FGGY: variants seen among roughly 807,000 people sequenced by gnomAD.
FGGY encodes the protein FGGY carbohydrate kinase domain-containing protein.
Under a neutral mutation model 71.3 loss-of-function variants are expected in FGGY, and 72 were observed. The observed-to-expected ratio is 1.01, with a 90% CI of 0.84 to 1.23. The LOEUF (loss-of-function observed/expected upper bound fraction) is 1.23. FGGY is among the 50% of genes most tolerant of loss of function. The pLI, the probability that FGGY is intolerant of heterozygous loss-of-function variation, is 0.00. For missense variants in FGGY, 668 were observed against 682.3 expected, an observed-to-expected ratio of 0.98 and a Z score of 0.23; for synonymous variants, 251 against 250.3, an observed-to-expected ratio of 1.00 and a Z score of -0.02.
chr1:59,376,211 C>CT (rs561822905), intron 4 of FGGY, among the ~76,000 whole-genome samples: 50 of 152,284 alleles, frequency 3.3e-4, no homozygotes, highest in African/African-American at 1.2e-3. Context: ...TATTTAGTAT[C>CT]TTTAAGTTTT....
chr1:59,404,837 G>A (rs1003895917), intron 5 of FGGY, among the ~76,000 whole-genome samples: 2 of 152,158 alleles, frequency 1.3e-5, no homozygotes. Context: ...ACCAATGTCC[G>A]TGTGTCTGGG....
At chr1:59,542,963 C>T (rs899459581) in intron 7 of FGGY, among the ~76,000 whole-genome samples, 2 of 152,058 alleles carry the variant, frequency 1.3e-5, no homozygotes, top group Non-Finnish European at 2.9e-5. Context: ...GGCTGCTGTC[C>T]AGAGAAGGTG....
At chr1:59,519,321 G>T (rs368383396) in intron 7 of FGGY, among the ~76,000 whole-genome samples, 1 of 152,158 alleles carries the variant, frequency 6.6e-6, no homozygotes, top group East Asian at 1.9e-4. Flanking sequence ...TAGTTCATGG[G>T]GTTAGACAGT....
At chr1:59,593,573 T>G (rs1380076111) in intron 8 of FGGY, among the ~76,000 whole-genome samples, 1 of 152,246 alleles carries the variant, frequency 6.6e-6, no homozygotes, top group African/African-American at 2.4e-5. Context: ...CACTGTCTTT[T>G]CATCACACAT....
intron 6 of FGGY, among the ~76,000 whole-genome samples, chr1:59,458,016 T>G (rs1214559475): frequency 6.6e-6 from 1 of 152,176 alleles, no homozygotes; most frequent in Admixed American, 6.6e-5. Context: ...TCAGAGAGAT[T>G]AGTAACCTTG....
intron 7 of FGGY, among the ~76,000 whole-genome samples, chr1:59,515,921 GT>G (rs761544626): frequency 1.8e-4 from 28 of 151,636 alleles, no homozygotes; most frequent in African/African-American, 6.0e-4. Context: ...AGATAGAATA[GT>G]TTTTTTTTGT....
intron 6 of FGGY, 136 bp from the exon 7 acceptor site, chr1:59,512,175 T>A: frequency 1.1e-6 from 1 of 919,912 alleles, no homozygotes. Context: ...AAGGGACTCT[T>A]GATGACTGCA....
intron 5 of FGGY, among the ~76,000 whole-genome samples, chr1:59,380,574 T>G (rs1017612130): frequency 4.6e-5 from 7 of 151,718 alleles, no homozygotes; most frequent in Non-Finnish European, 8.8e-5. Flanking sequence ...TCATGTGTCT[T>G]CTGGCTGCAT....
At chr1:59,762,287 TG>T (rs1187850941) in intron 15 of FGGY, among the ~76,000 whole-genome samples, 1 of 152,174 alleles carries the variant, frequency 6.6e-6, no homozygotes, top group African/African-American at 2.4e-5. Context: ...GGGGTTTAAA[TG>T]TTCTTATTTC....
At chr1:59,304,988 A>G (rs1283656162) in intron 1 of FGGY, among the ~76,000 whole-genome samples, 1 of 152,118 alleles carries the variant, frequency 6.6e-6, no homozygotes, top group Non-Finnish European at 1.5e-5. Flanking sequence ...TCTATATATA[A>G]TATCATGTCA....
chr1:59,542,545 C>T (rs976438673), intron 7 of FGGY, among the ~76,000 whole-genome samples: 2 of 148,882 alleles, frequency 1.3e-5, no homozygotes, highest in Admixed American at 6.8e-5. Flanking sequence ...CTGCAACCTC[C>T]GCCTCCCGGG....
intron 5 of FGGY, among the ~76,000 whole-genome samples, chr1:59,388,101 C>T (rs952000684): frequency 3.3e-5 from 5 of 151,742 alleles, no homozygotes; most frequent in African/African-American, 1.2e-4. Context: ...CTCAGAAGTG[C>T]AGTTAAACCC....
chr1:59,375,977 G>A (rs1571262893), intron 4 of FGGY, among the ~76,000 whole-genome samples: 1 of 143,632 alleles, frequency 7.0e-6, no homozygotes, highest in South Asian at 2.3e-4. Context: ...GTTCATATCT[G>A]GTCACTGGCC....
chr1:59,631,962 T>C (rs1332444987), intron 10 of FGGY, among the ~76,000 whole-genome samples: 1 of 152,202 alleles, frequency 6.6e-6, no homozygotes, highest in Non-Finnish European at 1.5e-5. Context: ...TAACTAACAG[T>C]GTCTCTGAAT....
intron 5 of FGGY, among the ~76,000 whole-genome samples, chr1:59,397,622 G>A (rs538416979): frequency 4.6e-5 from 7 of 152,262 alleles, no homozygotes; most frequent in Admixed American, 2.0e-4. Context: ...GCAGTGAAGT[G>A]TTTGTTGTGA....
chr1:59,409,596 TTTTATATA>T (rs1397649610), intron 5 of FGGY, among the ~76,000 whole-genome samples: 2 of 84,050 alleles, frequency 2.4e-5, no homozygotes, highest in African/African-American at 8.0e-5. Context: ...AGGAAGAGTT[TTTTATATA>T]TATATATATA....
chr1:59,714,036 A>G (rs2097822863), intron 14 of FGGY, among the ~76,000 whole-genome samples: 1 of 152,238 alleles, frequency 6.6e-6, no homozygotes, highest in African/African-American at 2.4e-5. Flanking sequence ...CCAAACCATC[A>G]GCAGCTCCTT....
chr1:59,349,043 G>C (rs79780279), intron 4 of FGGY, among the ~76,000 whole-genome samples: 3,711 of 152,164 alleles, frequency 0.024, 175 homozygotes, highest in African/African-American at 0.085. Flanking sequence ...TGCGCTGCCC[G>C]GTACCCTGCT....
chr1:59,450,244 C>T lies in FGGY; in HGVS notation c.555-6717C>T, dbSNP rs182422496. Among the ~76,000 whole-genome samples the T allele has an allele frequency of 1.7e-3, 254 of 152,250 alleles. 2 individuals carry two copies. Among genetic ancestry groups the T allele is most frequent in the Middle Eastern group, 3.4e-3 (1 of 294 alleles). On this transcript the variant is annotated intron_variant, in intron 5 of 15. Coordinates refer to ENST00000303721, the MANE Select transcript of FGGY (RefSeq NM_018291.5). The stretch of plus-strand genomic sequence containing the variant: ...ATATGCGTCTTTCACTTATCACAGT[C>T]GACCTTAAAATAATTTTGATGCCTC...
Sources: gnomAD v4.1 joint callset for allele counts (sites outside exome capture counted in the v4.1 genomes callset) on GRCh38, gnomAD v4.1.1 for gene constraint, MANE v1.5 for transcripts, NCBI Gene and HGNC (gene_info 2026-07-23, HGNC 2026-07-21) for gene names.